CD53: variants seen among roughly 807,000 people sequenced by gnomAD.
The protein encoded by CD53 is CD53 molecule.
A neutral mutation model predicts 27.3 loss-of-function variants in CD53; 20 were observed. The observed-to-expected ratio is 0.73, with a 90% CI of 0.52 to 1.07. The LOEUF (loss-of-function observed/expected upper bound fraction) is 1.07. Ranked by LOEUF, CD53 falls within the 50% of genes least tolerant of loss-of-function variation. The pLI, the probability that CD53 is intolerant of heterozygous loss-of-function variation, is 0.00. For missense variants in CD53, 216 were observed against 264.0 expected (o/e 0.82, Z 1.26); for synonymous variants, 106 against 105.3 (o/e 1.01, Z -0.04).
intron 5 of CD53, among the ~76,000 whole-genome samples, chr1:110,895,794 T>C (rs12743284): frequency 0.64 from 97,082 of 152,012 alleles, 33,136 homozygotes; most frequent in Non-Finnish European, 0.77. Flanking sequence ...CTCCCAACTC[T>C]TCAATAGTTA....
chr1:110,887,487 T>C (rs1255484857), intron 1 of CD53, among the ~76,000 whole-genome samples: 1 of 152,208 alleles, frequency 6.6e-6, no homozygotes, highest in African/African-American at 2.4e-5. Flanking sequence ...ATATTTTGAG[T>C]GAATCTATGT....
At chr1:110,893,623 G>T (rs1201703826) in intron 3 of CD53, among the ~76,000 whole-genome samples, 1 of 152,184 alleles carries the variant, frequency 6.6e-6, no homozygotes, top group African/African-American at 2.4e-5. Context: ...CGCCCAGTCT[G>T]TATGGGTCAA....
At chr1:110,882,651 T>G (rs554510868) in intron 1 of CD53, among the ~76,000 whole-genome samples, 4 of 152,162 alleles carry the variant, frequency 2.6e-5, no homozygotes, top group Middle Eastern at 3.4e-3. Flanking sequence ...TAGATAAATT[T>G]GGAAGAATTG....
At chr1:110,891,357 T>A in intron 1 of CD53, 35 bp from the exon 2 acceptor site, 1 of 1,366,066 alleles carries the variant, frequency 7.3e-7, no homozygotes, top group Non-Finnish European at 1.0e-6. Flanking sequence ...CCTTACAGAG[T>A]GAGGTAACTT....
chr1:110,872,050 C>T (rs773063993), upstream of CD53, among the ~76,000 whole-genome samples: 1 of 152,142 alleles, frequency 6.6e-6, no homozygotes, highest in Non-Finnish European at 1.5e-5. Context: ...AGCTAGCTTT[C>T]CCAGAGGCAT....
rs1557819824 is a variant in CD53 at position 110,892,799 on chromosome 1, T to C, written c.252+266T>C. On this transcript the variant is annotated intron_variant, in intron 3 of 7. Coordinates refer to ENST00000271324, the MANE Select transcript of CD53 (RefSeq NM_000560.4). ...ACTTTTGTCATTATTGTAATTCCCCTTTATAGCATTTTATTTTTTCTTTAT... is the reference window on the plus strand; with the variant it reads ...ACTTTTGTCATTATTGTAATTCCCCCTTATAGCATTTTATTTTTTCTTTAT... 9 of 359,090 alleles carry C rather than the reference T, an allele frequency of 2.5e-5. No individual in the cohort carries two copies. The East Asian group carries it at 4.4e-4, about 17-fold the overall frequency. 22.2% of individuals were successfully genotyped at this position (359,090 alleles called of 1,614,324 possible). A position where few individuals can be genotyped will look rare whatever the true frequency, so the allele number is the denominator to read the frequency against.
chr1:110,881,596 T>G (rs1219313366), intron 1 of CD53, among the ~76,000 whole-genome samples: 1 of 152,250 alleles, frequency 6.6e-6, no homozygotes, highest in African/African-American at 2.4e-5. Flanking sequence ...TATGGACATA[T>G]GCTTTCATTT....
chr1:110,884,296 C>T (rs1401518867), intron 1 of CD53, among the ~76,000 whole-genome samples: 2 of 152,002 alleles, frequency 1.3e-5, no homozygotes, highest in African/African-American at 4.8e-5. Flanking sequence ...TATTTAGTTT[C>T]CCAATTTGAG....
At chr1:110,894,534 A>C in intron 4 of CD53, 133 bp downstream of exon 4, 1 of 703,814 alleles carries the variant, frequency 1.4e-6, no homozygotes. Context: ...GAGGAAACAG[A>C]GAGTAATTGT....
At chr1:110,875,300 T>G (rs1371164125) in intron 1 of CD53, among the ~76,000 whole-genome samples, 1 of 152,094 alleles carries the variant, frequency 6.6e-6, no homozygotes, top group African/African-American at 2.4e-5. Context: ...CACCAGAAAG[T>G]GGAGGGCAAG....
chr1:110,873,484 G>A (rs770823387), intron 1 of CD53, among the ~76,000 whole-genome samples: 26 of 152,180 alleles, frequency 1.7e-4, no homozygotes, highest in Non-Finnish European at 3.5e-4. Flanking sequence ...CTGAGTCGAG[G>A]CATTCACATG....
chr1:110,892,817 T>C (rs552405852), intron 3 of CD53: 89 of 299,534 alleles, frequency 3.0e-4, no homozygotes, highest in Non-Finnish European at 4.5e-4. Flanking sequence ...ATTTTATTTT[T>C]TCTTTATGTC....
At chr1:110,891,591 A>G in intron 2 of CD53, 120 bp downstream of exon 2, 1 of 746,062 alleles carries the variant, frequency 1.3e-6, no homozygotes, top group Non-Finnish European at 2.4e-6. Context: ...CATGTCCAGC[A>G]CAACCATCCT....
intron 6 of CD53, 132 bp downstream of exon 6, chr1:110,896,865 G>C: frequency 1.4e-6 from 1 of 711,068 alleles, no homozygotes; most frequent in Non-Finnish European, 2.3e-6. Flanking sequence ...AGAGGCCAGG[G>C]CAACAACCTT....
In CD53 at chr1:110,892,429, C is replaced by G; in HGVS notation, c.148C>G (p.Leu50Val). ...FGVLFHNLPSLTLGNVFVIVG... is the reference protein window; with the variant it reads ...FGVLFHNLPSVTLGNVFVIVG... Reference sequence around the variant, plus strand: ...AGTGCTCTTCCATAACCTCCCCTCCCTCACGCTGGGCAATGTGTTTGTCAT... The same window carrying G: ...AGTGCTCTTCCATAACCTCCCCTCCGTCACGCTGGGCAATGTGTTTGTCAT... Residue 50 changes from leucine to valine, a missense_variant, in exon 3 of 8, where the codon CTC becomes GTC. By Grantham distance (32) the Leu-to-Val change is conservative (BLOSUM62 1). Transcript: ENST00000271324. The G allele has an allele frequency of 6.2e-7, 1 of 1,614,046 alleles. No individual in the cohort carries two copies. Among genetic ancestry groups the G allele is most frequent in the Non-Finnish European group, 8.5e-7 (1 of 1,179,900 alleles).
At chr1:110,891,570 C>T (rs1340153843) in intron 2 of CD53, 99 bp downstream of exon 2, 21 of 873,418 alleles carry the variant, frequency 2.4e-5, no homozygotes, top group East Asian at 2.0e-4. Context: ...AAAATGCATG[C>T]GTGTTTGGGT....
chr1:110,879,061 A>G (rs1656240951), intron 1 of CD53, among the ~76,000 whole-genome samples: 2 of 152,134 alleles, frequency 1.3e-5, no homozygotes, highest in African/African-American at 4.8e-5. Context: ...TGGCACACGA[A>G]ACCTCTTTTT....
At chr1:110,884,585 G>A (rs986044996) in intron 1 of CD53, among the ~76,000 whole-genome samples, 1 of 152,026 alleles carries the variant, frequency 6.6e-6, no homozygotes, top group East Asian at 1.9e-4. Flanking sequence ...ACTTATACTT[G>A]TCTATATCTT....
In CD53 at chr1:110,891,386, C is replaced by A. The variant is rs765539064; in HGVS notation, c.-17-6C>A. The A allele has an allele frequency of 1.7e-4, 279 of 1,601,132 alleles. 1 individual carries two copies. The highest frequency in any genetic ancestry group is 8.6e-7 in the Non-Finnish European group (1 of 1,168,292). ...GTAACTTACTTTCTTCTTCCTTATTCCTTAGGGCAAGAATATCACGGCATG... is the reference window on the plus strand; with the variant it reads ...GTAACTTACTTTCTTCTTCCTTATTACTTAGGGCAAGAATATCACGGCATG... On this transcript the variant is annotated splice_polypyrimidine_tract_variant and splice_region_variant and intron_variant, in intron 1 of 7. Coordinates refer to ENST00000271324, the MANE Select transcript of CD53 (RefSeq NM_000560.4).
Sources: gnomAD v4.1 joint callset for allele counts (sites outside exome capture counted in the v4.1 genomes callset) on GRCh38, gnomAD v4.1.1 for gene constraint, MANE v1.5 for transcripts, NCBI Gene and HGNC (gene_info 2026-07-23, HGNC 2026-07-21) for gene names.